Variants in PCDHGA2 observed in about 807,000 individuals in gnomAD.
PCDHGA2 encodes the protein protocadherin gamma-A2.
In PCDHGA2, 40 loss-of-function variants were observed where a neutral mutation model predicts 59.2. That is an observed-to-expected ratio of 0.68 (90% CI 0.52 to 0.88). PCDHGA2 has a LOEUF of 0.88. Ranked by LOEUF, PCDHGA2 falls within the 40% of genes least tolerant of loss-of-function variation. PCDHGA2 has a pLI of 0.00. For synonymous variants in PCDHGA2, 560 were observed against 526.0 expected (o/e 1.06, Z -0.89); for missense variants, 1,226 against 1,204.0 (o/e 1.02, Z -0.27).
intron 1 of PCDHGA2, among the ~76,000 whole-genome samples, chr5:141,429,386 T>TA (rs1561841076): frequency 9.9e-5 from 15 of 151,936 alleles, no homozygotes; most frequent in South Asian, 8.3e-4. Flanking sequence ...TGTTTTTTTT[T>TA]TAAAAAAAAT....
intron 3 of PCDHGA2, among the ~76,000 whole-genome samples, chr5:141,506,904 C>T (rs55892286): frequency 0.2 from 30,589 of 152,050 alleles, 3,131 homozygotes; most frequent in Middle Eastern, 0.24. Flanking sequence ...ACTGTCATCA[C>T]ACCTGGGCAC....
chr5:141,417,869 A>C, intron 1 of PCDHGA2: 2 of 1,553,552 alleles, frequency 1.3e-6, no homozygotes, highest in South Asian at 2.4e-5. Context: ...GATGGGAGGG[A>C]GCTGCGCGCA....
chr5:141,465,583 A>G (rs1056902823), intron 1 of PCDHGA2, among the ~76,000 whole-genome samples: 10 of 152,162 alleles, frequency 6.6e-5, no homozygotes, highest in African/African-American at 2.4e-4. Flanking sequence ...ACACTCTCAT[A>G]ATAATCAGAT....
chr5:141,346,362 G>C, intron 1 of PCDHGA2: 2 of 1,614,250 alleles, frequency 1.2e-6, no homozygotes, highest in Non-Finnish European at 8.5e-7. Flanking sequence ...CAACTATGCG[G>C]ACACGCTCAT....
chr5:141,346,155 G>C lies in PCDHGA2; in HGVS notation c.2424+4760G>C, dbSNP rs753087531. 3 of 1,613,988 alleles carry C rather than the reference G, an allele frequency of 1.9e-6. No homozygotes were observed. The Admixed American group carries it at 5.0e-5, about 27-fold the overall frequency. The stretch of plus-strand genomic sequence containing the variant: ...GGTCTCCTGCGTCTTCCTGGCCTTC[G>C]TCATCGTGCTGCTGGCGCTCAGGCT... On this transcript the variant is annotated intron_variant, in intron 1 of 3. Coordinates refer to ENST00000394576, the MANE Select transcript of PCDHGA2 (RefSeq NM_018915.4).
intron 1 of PCDHGA2, among the ~76,000 whole-genome samples, chr5:141,474,185 C>T (rs1481544975): frequency 1.3e-5 from 2 of 152,180 alleles, no homozygotes; most frequent in Non-Finnish European, 2.9e-5. Flanking sequence ...AAACTACTTA[C>T]ATTTTTAAAA....
chr5:141,434,621 G>A (rs980508411), intron 1 of PCDHGA2, among the ~76,000 whole-genome samples: 1 of 151,966 alleles, frequency 6.6e-6, no homozygotes, highest in Non-Finnish European at 1.5e-5. Flanking sequence ...CCATCTCTTC[G>A]TTTCCCATAA....
At chr5:141,345,269 C>A (rs767423074) in intron 1 of PCDHGA2, 6 of 1,613,896 alleles carry the variant, frequency 3.7e-6, no homozygotes, top group Non-Finnish European at 3.4e-6. Flanking sequence ...CCCTGGACCG[C>A]GAACAAATAT....
chr5:141,344,491 C>T (rs748758865), intron 1 of PCDHGA2: 2 of 1,613,874 alleles, frequency 1.2e-6, no homozygotes, highest in Non-Finnish European at 1.7e-6. Context: ...ACCCGATTTC[C>T]AATTAAAACT....
chr5:141,492,078 C>T (rs948391194), intron 1 of PCDHGA2: 4 of 483,290 alleles, frequency 8.3e-6, no homozygotes, highest in African/African-American at 2.0e-5. Flanking sequence ...GCGCCGGCTC[C>T]GGCACGCTTC....
At chr5:141,494,648 T>G in intron 1 of PCDHGA2, 159 bp from the exon 2 acceptor site, 1 of 946,506 alleles carries the variant, frequency 1.1e-6, no homozygotes, top group Non-Finnish European at 1.3e-6. Flanking sequence ...ACCTGAGGTG[T>G]ATTTTGTCTT....
chr5:141,384,492 AG>A (rs746302959), intron 1 of PCDHGA2: 2 of 1,614,164 alleles, frequency 1.2e-6, no homozygotes, highest in East Asian at 4.5e-5. Context: ...TACAACTAAG[AG>A]TGACTGCACA....
chr5:141,404,628 C>T (rs1183309479), intron 1 of PCDHGA2: 2 of 1,614,100 alleles, frequency 1.2e-6, no homozygotes, highest in Non-Finnish European at 1.7e-6. Flanking sequence ...AATGACAATG[C>T]CCCAGAAATC....
At chr5:141,355,987 A>G (rs775400390) in intron 1 of PCDHGA2, 2 of 1,613,824 alleles carry the variant, frequency 1.2e-6, no homozygotes, top group Non-Finnish European at 1.7e-6. Context: ...TCGGCTACTC[A>G]CCGTAAAAGC....
intron 1 of PCDHGA2, chr5:141,411,753 A>G (rs1006054735): frequency 6.5e-5 from 10 of 152,756 alleles, no homozygotes; most frequent in African/African-American, 2.4e-4. Context: ...GTGGTGGCAC[A>G]TGCCTGTGGT....
At chr5:141,427,722 G>C (rs755543438) in intron 1 of PCDHGA2, 7 of 1,120,986 alleles carry the variant, frequency 6.2e-6, no homozygotes, top group Non-Finnish European at 9.3e-6. Context: ...CCTGGACCTA[G>C]GGCTGAATGG....
At chr5:141,392,859 CT>C in intron 1 of PCDHGA2, 1 of 1,612,504 alleles carries the variant, frequency 6.2e-7, no homozygotes, top group Non-Finnish European at 8.5e-7. Flanking sequence ...GCTGATCCTG[CT>C]GTGCGCGCTG....
In PCDHGA2 at chr5:141,476,850, A is replaced by G. The variant is rs747333239; in HGVS notation, c.2425-17957A>G. The G allele has an allele frequency of 1.2e-6, 2 of 1,613,836 alleles. No individual in the cohort carries two copies. Among genetic ancestry groups the G allele is most frequent in the Admixed American group, 3.3e-5 (2 of 60,030 alleles). ...GCGAATGACAATGCGCCTGTCTTCA[A>G]CCAGTCCTTGTACCGGGCGCGCGTC... is the stretch of plus-strand genomic sequence containing the variant. On this transcript the variant is annotated intron_variant, in intron 1 of 3. Transcript: ENST00000394576. The surrounding 1 kb of genome is among the most constrained non-coding windows in gnomAD (Gnocchi z 7.6).
At chr5:141,471,021 A>C (rs1399168691) in intron 1 of PCDHGA2, among the ~76,000 whole-genome samples, 1 of 136,940 alleles carries the variant, frequency 7.3e-6, no homozygotes, top group African/African-American at 2.7e-5. Flanking sequence ...CTGGTCAATC[A>C]TTTTTATTAA....
Sources: gnomAD v4.1 joint callset for allele counts (sites outside exome capture counted in the v4.1 genomes callset) on GRCh38, gnomAD v4.1.1 for gene constraint, Gnocchi (gnomAD v3.1) non-coding constraint, MANE v1.5 for transcripts, NCBI Gene and HGNC (gene_info 2026-07-23, HGNC 2026-07-21) for gene names.